The following TESC variants were observed in gnomAD, a reference collection of about 807,000 sequenced individuals.
TESC encodes the protein calcineurin B homologous protein 3.
TESC carries 19 observed loss-of-function variants against 31.0 expected under a neutral mutation model. The observed-to-expected ratio is 0.61, with a 90% CI of 0.43 to 0.90. The LOEUF is 0.90. TESC is among the 40% of genes least tolerant of loss of function. The pLI is 0.00. For missense variants in TESC, 248 were observed against 303.8 expected, an observed-to-expected ratio of 0.82 and a Z score of 1.36; for synonymous variants, 109 against 114.8, an observed-to-expected ratio of 0.95 and a Z score of 0.32.
chr12:117,051,329 C>T (rs1439161845), intron 3 of TESC, among the ~76,000 whole-genome samples: 3 of 152,172 alleles, frequency 2.0e-5, no homozygotes, highest in African/African-American at 7.2e-5. Flanking sequence ...TTATTTTTCT[C>T]TTCCAGGAGA....
At chr12:117,044,493 C>T (rs1201078813) in intron 6 of TESC, among the ~76,000 whole-genome samples, 5 of 152,098 alleles carry the variant, frequency 3.3e-5, no homozygotes, top group East Asian at 1.9e-4. Context: ...AGGGGGTGAT[C>T]GGTGCAAGGA....
intron 1 of TESC, among the ~76,000 whole-genome samples, chr12:117,085,179 C>A (rs1014825874): frequency 6.6e-6 from 1 of 152,178 alleles, no homozygotes; most frequent in Non-Finnish European, 1.5e-5. Flanking sequence ...AGAGGCAGAA[C>A]ACACAGGGCT....
At chr12:117,048,782 ACC>A in intron 4 of TESC, 1 of 680,068 alleles carries the variant, frequency 1.5e-6, no homozygotes, top group East Asian at 3.0e-5. Context: ...CCACCGCACA[ACC>A]CCCTTCTAGT....
chr12:117,090,740 C>T (rs925399802), intron 1 of TESC, among the ~76,000 whole-genome samples: 1 of 152,198 alleles, frequency 6.6e-6, no homozygotes, highest in African/African-American at 2.4e-5. Context: ...GGGATGCAGG[C>T]AAGGGCAAGA....
chr12:117,094,513 T>A (rs1430090018), intron 1 of TESC, among the ~76,000 whole-genome samples: 3 of 152,172 alleles, frequency 2.0e-5, no homozygotes, highest in Non-Finnish European at 4.4e-5. Flanking sequence ...CAAGACACGT[T>A]CTTTCTGCTC....
Position 117,049,015 on chromosome 12 carries a change from G to C in TESC, c.349+4C>G, listed in dbSNP as rs757473384. 1.2e-5 allele frequency: 19 copies of C among 1,613,968 alleles called. No homozygotes were observed. Among genetic ancestry groups the C allele is most frequent in the South Asian group, 2.2e-5 (2 of 91,078 alleles). On this transcript the variant is annotated splice_donor_region_variant and intron_variant, in intron 4 of 7. Transcript: ENST00000335209. ...TGTGAGCAAGGGGACTCAGTGGCACGCACATCTCAGCTTCTCCTTCCGGGA... is the reference window on the plus strand; with the variant it reads ...TGTGAGCAAGGGGACTCAGTGGCACCCACATCTCAGCTTCTCCTTCCGGGA...
At chr12:117,041,194 C>A (rs1353186101) in intron 7 of TESC, among the ~76,000 whole-genome samples, 1 of 152,192 alleles carries the variant, frequency 6.6e-6, no homozygotes, top group Non-Finnish European at 1.5e-5. Flanking sequence ...GAGTGGGCGG[C>A]CGCTTTACGA....
chr12:117,046,844 G>A lies in TESC; in HGVS notation c.350-6C>T. ...GTCGTACATGTGGAACAGAACTAGG[G>A]TGGCAGGGGAGAGAGGGGACTCCGT... On this transcript the variant is annotated splice_polypyrimidine_tract_variant and splice_region_variant and intron_variant, in intron 4 of 7. Coordinates refer to ENST00000335209, the MANE Select transcript of TESC (RefSeq NM_017899.4). 1.9e-6 allele frequency: 3 copies of A among 1,565,276 alleles called. No homozygotes were observed. Among genetic ancestry groups the A allele is most frequent in the Non-Finnish European group, 1.7e-6 (2 of 1,154,738 alleles).
chr12:117,099,284 G>T lies in TESC; in HGVS notation c.-2C>A. The T allele has an allele frequency of 6.9e-7, 1 of 1,440,080 alleles. No individual in the cohort carries two copies. The highest frequency in any genetic ancestry group is 9.1e-7 in the Non-Finnish European group (1 of 1,102,750). The allele number at this position is 1,440,080 out of a possible 1,614,324, so 89.2% of individuals were successfully genotyped here. A position where few individuals can be genotyped will look rare whatever the true frequency, so the allele number is the denominator to read the frequency against. Reference sequence around the variant, plus strand: ...AGACGCGGAGTGGGCAGCGCCCATGGTGCCCGCGGCGGGGGCCCCGGGGCG... The same window carrying T: ...AGACGCGGAGTGGGCAGCGCCCATGTTGCCCGCGGCGGGGGCCCCGGGGCG... On this transcript the variant is annotated 5_prime_UTR_variant, in exon 1 of 8. Coordinates refer to ENST00000335209, the MANE Select transcript of TESC (RefSeq NM_017899.4).
At chr12:117,075,913 ATG>A (rs1172157385) in intron 1 of TESC, among the ~76,000 whole-genome samples, 99 of 51,892 alleles carry the variant, frequency 1.9e-3, no homozygotes, top group Non-Finnish European at 2.4e-3. Context: ...ATATATATAT[ATG>A]TGTGTGTGTA....
rs747219336 is a variant in TESC, at chr12:117,075,269, AC to A, written c.128+1del. The A allele has an allele frequency of 6.2e-7, 1 of 1,612,626 alleles. No homozygotes were observed. The highest frequency in any genetic ancestry group is 8.5e-7 in the Non-Finnish European group (1 of 1,179,848). On this transcript the variant is annotated splice_donor_variant, in intron 2 of 7. Transcript: ENST00000335209. LOFTEE classifies it high-confidence loss of function. Reference sequence around the variant, plus strand: ...AGCACCCAAACCCGCTGCCAATCTTACCGAATGGTAGGCTGATCTCCACTCA... The same window carrying A: ...AGCACCCAAACCCGCTGCCAATCTTACGAATGGTAGGCTGATCTCCACTCA...
chr12:117,081,686 C>T (rs1006587045), intron 1 of TESC, among the ~76,000 whole-genome samples: 1 of 151,726 alleles, frequency 6.6e-6, no homozygotes, highest in African/African-American at 2.4e-5. Context: ...GGTGGATCAC[C>T]TGAGGTCAGG....
At chr12:117,075,847 G>GTGTGTATA (rs1309778368) in intron 1 of TESC, among the ~76,000 whole-genome samples, 2 of 67,208 alleles carry the variant, frequency 3.0e-5, no homozygotes, top group Admixed American at 1.9e-4. Flanking sequence ...GTGTGTGTGT[G>GTGTGTATA]TATATATATA....
intron 1 of TESC, among the ~76,000 whole-genome samples, chr12:117,096,079 A>T (rs1438713242): frequency 1.3e-5 from 2 of 152,150 alleles, no homozygotes; most frequent in Non-Finnish European, 2.9e-5. Context: ...TGCAGAGAGC[A>T]CCAGCGTGGA....
chr12:117,075,185 C>G (rs766714207), intron 2 of TESC, 86 bp downstream of exon 2: 33 of 1,333,598 alleles, frequency 2.5e-5, no homozygotes, highest in Non-Finnish European at 3.1e-5. Flanking sequence ...ACTACCCCCG[C>G]TACTCAGCAC....
At chr12:117,092,417 A>ATTC (rs1240653538) in intron 1 of TESC, among the ~76,000 whole-genome samples, 2 of 152,240 alleles carry the variant, frequency 1.3e-5, no homozygotes, top group Non-Finnish European at 2.9e-5. Context: ...GTTGATCCCC[A>ATTC]GCCCTGTGGG....
chr12:117,084,093 CA>C (rs61594047), intron 1 of TESC: 41,727 of 103,194 alleles, frequency 0.4, 6,301 homozygotes, highest in African/African-American at 0.55. Flanking sequence ...GACTCCATCT[CA>C]AAAAAAAAAA....
intron 1 of TESC, 95 bp from the exon 2 acceptor site, chr12:117,075,435 T>G (rs1593014659): frequency 7.6e-7 from 1 of 1,310,684 alleles, no homozygotes; most frequent in Non-Finnish European, 1.1e-6. Flanking sequence ...CCATCCCCAC[T>G]GGCTGCCACA....
intron 2 of TESC, among the ~76,000 whole-genome samples, chr12:117,069,191 C>G (rs538222051): frequency 7.2e-5 from 11 of 152,110 alleles, no homozygotes; most frequent in African/African-American, 2.7e-4. Context: ...CTTGAGGATC[C>G]TGAAGCATAT....
Sources: gnomAD v4.1 joint callset for allele counts (sites outside exome capture counted in the v4.1 genomes callset) on GRCh38, gnomAD v4.1.1 for gene constraint, MANE v1.5 for transcripts, NCBI Gene and HGNC (gene_info 2026-07-23, HGNC 2026-07-21) for gene names.